The following CSMD3 variants were observed in gnomAD, a reference collection of about 807,000 sequenced individuals.
CSMD3 encodes the protein CUB and sushi domain-containing protein 3.
CSMD3 carries 177 observed loss-of-function variants against 435.2 expected under a neutral mutation model. The observed-to-expected ratio is 0.41, with a 90% CI of 0.36 to 0.46. The LOEUF is 0.46. Ranked by LOEUF, CSMD3 falls within the 20% of genes least tolerant of loss-of-function variation. The pLI, the probability that CSMD3 is intolerant of heterozygous loss-of-function variation, is 0.34. For synonymous variants in CSMD3, 1,656 were observed against 1,520.5 expected (o/e 1.09, Z -2.07); for missense variants, 4,265 against 4,504.6 (o/e 0.95, Z 1.52).
intron 13 of CSMD3, among the ~76,000 whole-genome samples, chr8:112,718,327 T>C (rs371662085): frequency 6.6e-6 from 1 of 152,132 alleles, no homozygotes; most frequent in East Asian, 1.9e-4. Flanking sequence ...AGAGGTTTCA[T>C]AATAAATGAA....
In CSMD3 at chr8:112,247,138, C is replaced by A. The variant is rs1479252000; in HGVS notation, c.10111-7G>T. 3 of 1,581,234 alleles carry A rather than the reference C, an allele frequency of 1.9e-6. No individual in the cohort carries two copies. Among genetic ancestry groups the A allele is most frequent in the South Asian group, 1.1e-5 (1 of 90,312 alleles). ...ACTGTACAACACTTCCTACCTATAG[C>A]AAATTAAAGAGAGGAAAAAAATATT... On this transcript the variant is annotated splice_polypyrimidine_tract_variant and splice_region_variant and intron_variant, in intron 63 of 70. Coordinates refer to ENST00000297405, the MANE Select transcript of CSMD3 (RefSeq NM_198123.2).
intron 11 of CSMD3, among the ~76,000 whole-genome samples, chr8:112,848,385 T>C (rs1218435151): frequency 6.6e-6 from 1 of 152,108 alleles, no homozygotes; most frequent in African/African-American, 2.4e-5. Flanking sequence ...CCTAGTAATT[T>C]CCGAACAATA....
intron 42 of CSMD3, among the ~76,000 whole-genome samples, chr8:112,339,574 C>A (rs1275749823): frequency 6.6e-6 from 1 of 152,062 alleles, no homozygotes; most frequent in African/African-American, 2.4e-5. Flanking sequence ...ATTCTTTGTT[C>A]AAAAAGCCAA....
In CSMD3 at chr8:112,408,858, A is replaced by G. The variant is rs1032880851; in HGVS notation, c.5509+61T>C. 3.7e-6 allele frequency: 6 copies of G among 1,612,064 alleles called. No individual in the cohort carries two copies. In the African/African-American group the frequency reaches 6.7e-5, roughly 18 times the overall value. ...GATATAAATCTCAACTTTCACTACA[A>G]TACTAATCAAAGTCAGTCTTTAATC... On this transcript the variant is annotated intron_variant, in intron 33 of 70. Coordinates refer to ENST00000297405, the MANE Select transcript of CSMD3 (RefSeq NM_198123.2).
rs148950989 is a variant in CSMD3 at position 112,299,138 on chromosome 8, A to G, written c.8440+2655T>C. ...CAATTCCATTTAATGAATTTCTAGA[A>G]CAGGGGAAATGAATATATGGTGAAA... On this transcript the variant is annotated intron_variant, in intron 53 of 70. Transcript: ENST00000297405. 4.6e-3 allele frequency among the ~76,000 whole-genome samples: 698 copies of G among 152,232 alleles called. 6 individuals are homozygous for G. The highest frequency in any genetic ancestry group is 0.016 in the African/African-American group (669 of 41,576).
At chr8:113,287,323 T>C (rs1162924963) in intron 2 of CSMD3, among the ~76,000 whole-genome samples, 2 of 152,020 alleles carry the variant, frequency 1.3e-5, no homozygotes, top group Non-Finnish European at 2.9e-5. Flanking sequence ...AACAAACTAT[T>C]AGCCTATTTA....
intron 1 of CSMD3, among the ~76,000 whole-genome samples, chr8:113,427,771 A>G (rs2130028130): frequency 6.6e-6 from 1 of 151,820 alleles, no homozygotes; most frequent in Admixed American, 6.6e-5. Context: ...CCTAGTAAAC[A>G]CTAGATTGGG....
chr8:113,036,543 G>A (rs1032961833), intron 5 of CSMD3, among the ~76,000 whole-genome samples: 1 of 151,986 alleles, frequency 6.6e-6, no homozygotes, highest in Non-Finnish European at 1.5e-5. Flanking sequence ...AGGAGAATGT[G>A]TAAAATTTTA....
intron 6 of CSMD3, among the ~76,000 whole-genome samples, chr8:113,016,778 C>T (rs907506435): frequency 4.6e-5 from 7 of 151,730 alleles, no homozygotes; most frequent in Non-Finnish European, 8.9e-5. Flanking sequence ...ATGTAAAAAG[C>T]ATCGTTACCA....
At chr8:113,395,333 C>G (rs1353164668) in intron 1 of CSMD3, among the ~76,000 whole-genome samples, 2 of 152,020 alleles carry the variant, frequency 1.3e-5, no homozygotes, top group African/African-American at 4.8e-5. Context: ...TAAGGCCGGA[C>G]GCGGTGGCTC....
chr8:112,576,888 AAAT>A (rs1175676491), intron 23 of CSMD3, among the ~76,000 whole-genome samples: 1 of 151,634 alleles, frequency 6.6e-6, no homozygotes, highest in Non-Finnish European at 1.5e-5. Context: ...CACATTAAAA[AAAT>A]AATCATTTAA....
At chr8:112,444,862 T>C (rs935187017) in intron 32 of CSMD3, among the ~76,000 whole-genome samples, 3 of 152,268 alleles carry the variant, frequency 2.0e-5, no homozygotes, top group Middle Eastern at 3.4e-3. Context: ...TTTCATTACA[T>C]GTAAATGATA....
chr8:112,557,563 T>G (rs1828234285), intron 24 of CSMD3, among the ~76,000 whole-genome samples: 1 of 151,948 alleles, frequency 6.6e-6, no homozygotes, highest in Admixed American at 6.6e-5. Context: ...AGTCAATTAC[T>G]GAGGAGCAAT....
intron 22 of CSMD3, among the ~76,000 whole-genome samples, chr8:112,611,581 C>T (rs1465940554): frequency 2.0e-5 from 3 of 152,050 alleles, no homozygotes; most frequent in Non-Finnish European, 4.4e-5. Context: ...TAGCTGTATG[C>T]TTTGCTCTAA....
Position 113,226,527 on chromosome 8 carries a change from C to T in CSMD3, c.514+52065G>A, listed in dbSNP as rs2093030852. On this transcript the variant is annotated intron_variant, in intron 3 of 70. Coordinates refer to ENST00000297405, the MANE Select transcript of CSMD3 (RefSeq NM_198123.2). Reference sequence around the variant, plus strand: ...CATTTCTATCATGCATATGGTCCATCCCTTGGTTCGTTTTTCTGGCCATTG... The same window carrying T: ...CATTTCTATCATGCATATGGTCCATTCCTTGGTTCGTTTTTCTGGCCATTG... Among the ~76,000 whole-genome samples, 4 of 151,634 alleles carry T rather than the reference C, an allele frequency of 2.6e-5. No individual in the cohort carries two copies. In the South Asian group the frequency reaches 8.3e-4, roughly 31 times the overall value.
At chr8:112,834,690 AG>A (rs978514261) in intron 11 of CSMD3, among the ~76,000 whole-genome samples, 1 of 151,904 alleles carries the variant, frequency 6.6e-6, no homozygotes, top group Non-Finnish European at 1.5e-5. Context: ...TGTATAATAT[AG>A]AAAAGTTAAT....
chr8:112,525,640 G>A (rs2131038029), intron 27 of CSMD3, among the ~76,000 whole-genome samples: 1 of 148,888 alleles, frequency 6.7e-6, no homozygotes, highest in Non-Finnish European at 1.5e-5. Context: ...AGAATGGCGT[G>A]AACCCAGGAG....
chr8:112,612,465 T>C (rs369594781), intron 22 of CSMD3, among the ~76,000 whole-genome samples: 31 of 152,136 alleles, frequency 2.0e-4, no homozygotes, highest in Non-Finnish European at 3.4e-4. Context: ...AGGGAAGAGA[T>C]TGCAGTATAG....
At chr8:112,945,271 A>G (rs1356916459) in intron 9 of CSMD3, among the ~76,000 whole-genome samples, 3 of 151,690 alleles carry the variant, frequency 2.0e-5, no homozygotes, top group Non-Finnish European at 4.4e-5. Flanking sequence ...TGCCAACACC[A>G]TAGTCCAAAT....
Sources: allele counts gnomAD v4.1 joint callset (sites outside exome capture counted in the v4.1 genomes callset), GRCh38; gene constraint gnomAD v4.1.1; transcripts MANE v1.5; gene names NCBI Gene and HGNC (gene_info 2026-07-23, HGNC 2026-07-21).